SYCP2L: variants seen among roughly 807,000 people sequenced by gnomAD.
The protein encoded by SYCP2L is synaptonemal complex protein 2-like.
Under a neutral mutation model 125.8 loss-of-function variants are expected in SYCP2L, and 98 were observed. That is an observed-to-expected ratio of 0.78 (90% confidence interval 0.66 to 0.92). The LOEUF (loss-of-function observed/expected upper bound fraction) is 0.92. Among genes scored for constraint, SYCP2L ranks in the 40% least tolerant of loss-of-function variants. The probability of loss-of-function intolerance (pLI) is 0.00; values close to 1 mark genes in which losing one functional copy is unlikely to be tolerated. For synonymous variants in SYCP2L, 317 were observed against 325.4 expected (o/e 0.97, Z 0.28); for missense variants, 842 against 936.4 (o/e 0.90, Z 1.32).
chr6:10,918,030 G>A (rs1384948128), intron 14 of SYCP2L, among the ~76,000 whole-genome samples: 1 of 151,948 alleles, frequency 6.6e-6, no homozygotes, highest in African/African-American at 2.4e-5. Context: ...AATCTGGTAG[G>A]TTTCCTTTAT....
chr6:10,917,427 T>C (rs1780712252), intron 14 of SYCP2L, among the ~76,000 whole-genome samples: 1 of 152,236 alleles, frequency 6.6e-6, no homozygotes, highest in African/African-American at 2.4e-5. Flanking sequence ...AACTGCTGTT[T>C]CTTTAAAGTT....
chr6:10,894,234 T>A, intron 4 of SYCP2L, 30 bp downstream of exon 4: 1 of 1,605,924 alleles, frequency 6.2e-7, no homozygotes, highest in East Asian at 2.2e-5. Flanking sequence ...TTTATATGGC[T>A]TTGGGTAACT....
rs1781086706 is a variant in SYCP2L, at chr6:10,935,964, C to G, written c.1813+777C>G. ...GGGGCCAGAGTTTGCCAACCCTTAA[C>G]CTATAGGCTTTTTCTTAACCCTCAC... On this transcript the variant is annotated intron_variant, in intron 21 of 29. Transcript: ENST00000283141. Among the ~76,000 whole-genome samples, 3 of 152,098 alleles carry G rather than the reference C, an allele frequency of 2.0e-5. No homozygotes were observed. In the South Asian group the frequency reaches 6.2e-4, roughly 32 times the overall value.
At chr6:10,888,158 G>A (rs1253444895) in intron 1 of SYCP2L, among the ~76,000 whole-genome samples, 1 of 127,498 alleles carries the variant, frequency 7.8e-6, no homozygotes, top group African/African-American at 3.1e-5. Flanking sequence ...GTGCAGTGGC[G>A]TGATCTTGGC....
chr6:10,927,427 A>G, intron 17 of SYCP2L, 60 bp downstream of exon 17: 18 of 1,414,520 alleles, frequency 1.3e-5, no homozygotes, highest in African/African-American at 8.7e-5. Context: ...GGGACGGACT[A>G]CAAAAGAGAG....
At chr6:10,928,283 A>G (rs977956703) in intron 17 of SYCP2L, 120 bp from the exon 18 acceptor site, 10 of 521,964 alleles carry the variant, frequency 1.9e-5, no homozygotes, top group Non-Finnish European at 3.0e-5. Context: ...TGTCCATGAA[A>G]TCTTCACAAT....
intron 21 of SYCP2L, among the ~76,000 whole-genome samples, chr6:10,940,673 A>C (rs1197426139): frequency 2.6e-5 from 4 of 152,170 alleles, no homozygotes; most frequent in Non-Finnish European, 5.9e-5. Context: ...GCCAGGTGCT[A>C]GGAGGTGGGG....
At chr6:10,913,013 G>A (rs751499021) in intron 14 of SYCP2L, 86 bp downstream of exon 14, 3 of 1,332,032 alleles carry the variant, frequency 2.3e-6, no homozygotes, top group Non-Finnish European at 3.1e-6. Context: ...TAATTCTAGG[G>A]CATATTTTGA....
intron 10 of SYCP2L, among the ~76,000 whole-genome samples, chr6:10,908,410 A>C (rs1410398822): frequency 6.6e-6 from 1 of 152,174 alleles, no homozygotes; most frequent in East Asian, 1.9e-4. Flanking sequence ...GTTGTGAGCC[A>C]TCTGGCCTGT....
Position 10,928,439 on chromosome 6 carries a change from C to T in SYCP2L, c.1477C>T (p.Pro493Ser), listed in dbSNP as rs368973587. The T allele has an allele frequency of 7.6e-6, 12 of 1,585,632 alleles. No homozygotes were observed. The highest frequency in any genetic ancestry group is 5.8e-5 in the South Asian group (5 of 85,824). Residue 493 changes from proline to serine, a missense_variant, in exon 18 of 30, where the codon CCG (proline) becomes TCG (serine). Physicochemically the swap from Pro to Ser is moderately conservative, Grantham distance 74. Coordinates refer to ENST00000283141, the MANE Select transcript of SYCP2L (RefSeq NM_001040274.3). ...CCCTCCGTTCGGGGTCCCTGACTTC[C>T]CGCAACAACCTGTGAGTACAGGGAG... Reference protein sequence around the residue: ...PVPPFGVPDFPQQPKSHYRKH... With the variant: ...PVPPFGVPDFSQQPKSHYRKH...
At chr6:10,940,142 C>G (rs887572923) in intron 21 of SYCP2L, among the ~76,000 whole-genome samples, 16 of 152,184 alleles carry the variant, frequency 1.1e-4, no homozygotes, top group African/African-American at 3.4e-4. Flanking sequence ...TGTGATATCT[C>G]ACACCTGTCC....
intron 6 of SYCP2L, among the ~76,000 whole-genome samples, chr6:10,901,254 G>A (rs1165304084): frequency 1.3e-5 from 2 of 152,142 alleles, no homozygotes; most frequent in African/African-American, 4.8e-5. Flanking sequence ...ATGACAACAA[G>A]TTTAATGTGT....
rs1780975790 is a variant in SYCP2L at position 10,930,501 on chromosome 6, A to G, written c.1620A>G (p.Arg540=). ...CCAGTAGAAAGAAGACAAGAACCAGAAGTAATTTGAGAAGTAAGTCTGGCA... is the reference window on the plus strand; with the variant it reads ...CCAGTAGAAAGAAGACAAGAACCAGGAGTAATTTGAGAAGTAAGTCTGGCA... ...SYSSRKKTRT[R]SNLRILPVFP... The change falls in exon 19 of 30, where the codon AGA becomes AGG. Residue 540 remains arginine, a synonymous_variant. Transcript: ENST00000283141. 2 of 1,610,754 alleles carry G rather than the reference A, an allele frequency of 1.2e-6. No homozygotes were observed. Among genetic ancestry groups the G allele is most frequent in the African/African-American group, 2.7e-5 (2 of 74,734 alleles).
intron 14 of SYCP2L, among the ~76,000 whole-genome samples, chr6:10,922,465 CT>C (rs1205724403): frequency 0.01 from 1,397 of 135,636 alleles, 9 homozygotes; most frequent in African/African-American, 0.027. Context: ...TAGCTAGTTA[CT>C]TTTTTTTTTT....
intron 21 of SYCP2L, among the ~76,000 whole-genome samples, chr6:10,940,629 C>T (rs1028143524): frequency 2.6e-5 from 4 of 152,008 alleles, no homozygotes; most frequent in African/African-American, 9.7e-5. Flanking sequence ...GTAAAAAAGT[C>T]AAACTCATAG....
At chr6:10,938,893 G>A (rs925762327) in intron 21 of SYCP2L, among the ~76,000 whole-genome samples, 5 of 152,124 alleles carry the variant, frequency 3.3e-5, no homozygotes, top group Admixed American at 6.6e-5. Context: ...CGCCAAGGCC[G>A]GAGGATTACG....
intron 8 of SYCP2L, 142 bp downstream of exon 8, chr6:10,903,105 C>T: frequency 2.9e-6 from 2 of 692,984 alleles, no homozygotes; most frequent in Non-Finnish European, 4.9e-6. Flanking sequence ...ATGTGTCAGG[C>T]ACTATGCTAG....
intron 8 of SYCP2L, among the ~76,000 whole-genome samples, chr6:10,904,381 T>A (rs946387597): frequency 2.6e-5 from 4 of 152,210 alleles, no homozygotes; most frequent in African/African-American, 9.6e-5. Flanking sequence ...GGTGGCACAT[T>A]ATTTGCGTGG....
At chr6:10,931,363 A>C in intron 19 of SYCP2L, 77 bp from the exon 20 acceptor site, 1 of 1,416,488 alleles carries the variant, frequency 7.1e-7, no homozygotes, top group African/African-American at 1.4e-5. Context: ...GTGTTAGCAT[A>C]TTGGGAGACG....
Sources: allele counts gnomAD v4.1 joint callset (sites outside exome capture counted in the v4.1 genomes callset), GRCh38; gene constraint gnomAD v4.1.1; transcripts MANE v1.5; gene names NCBI Gene and HGNC (gene_info 2026-07-23, HGNC 2026-07-21).